SPATA22: variants seen among roughly 807,000 people sequenced by gnomAD.
SPATA22 encodes spermatogenesis associated 22, also known as spermatogenesis-associated protein 22.
A neutral mutation model predicts 47.8 loss-of-function variants in SPATA22; 29 were observed. The ratio of observed to expected loss-of-function variants is 0.61; its 90% CI spans 0.45 to 0.83. The LOEUF (loss-of-function observed/expected upper bound fraction) is 0.83, where lower values mean the gene tolerates loss of function less well. SPATA22 is among the 40% of genes least tolerant of loss of function. SPATA22 has a pLI of 0.00. For synonymous variants in SPATA22, 133 were observed against 140.9 expected (o/e 0.94, Z 0.40); for missense variants, 410 against 421.7 (o/e 0.97, Z 0.24).
At chr17:3,481,543 A>G (rs2073626512) in intron 1 of SPATA22, 4 of 1,470,782 alleles carry the variant, frequency 2.7e-6, no homozygotes, top group Admixed American at 1.8e-5. Flanking sequence ...TGTTCTTATT[A>G]TATGTTTATA....
At chr17:3,493,247 T>C (rs17175228) in intron 1 of SPATA22, among the ~76,000 whole-genome samples, 35,183 of 152,034 alleles carry the variant, frequency 0.23, 4,255 homozygotes, top group Middle Eastern at 0.33. Flanking sequence ...TCAGGAGCTG[T>C]CCAAGTGTCT....
intron 1 of SPATA22, chr17:3,500,278 A>G (rs2073974195): frequency 6.6e-6 from 1 of 152,284 alleles, no homozygotes; most frequent in Non-Finnish European, 1.5e-5. Context: ...TGTAGCTAAA[A>G]TCATTGACAA....
chr17:3,472,046 C>G (rs1220614956), upstream of SPATA22: 1 of 192,924 alleles, frequency 5.2e-6, no homozygotes, highest in East Asian at 1.9e-4. Flanking sequence ...AGATCTCCTG[C>G]CCAACCGGCC....
intron 1 of SPATA22, among the ~76,000 whole-genome samples, chr17:3,470,520 C>T (rs1448696485): frequency 1.3e-5 from 2 of 151,884 alleles, no homozygotes; most frequent in South Asian, 2.1e-4. Context: ...GAGGCCGAGA[C>T]GGGCGGATCA....
At chr17:3,496,047 C>T (rs187542588) in intron 1 of SPATA22, among the ~76,000 whole-genome samples, 7 of 152,166 alleles carry the variant, frequency 4.6e-5, no homozygotes, top group East Asian at 1.9e-4. Context: ...CCCAGGCAGA[C>T]GGAGAAGTGA....
intron 1 of SPATA22, among the ~76,000 whole-genome samples, chr17:3,477,425 C>T (rs949030236): frequency 6.6e-6 from 1 of 152,116 alleles, no homozygotes; most frequent in African/African-American, 2.4e-5. Context: ...TATAATATGA[C>T]TCCACATATT....
At chr17:3,471,383 A>G (rs745795548) in intron 1 of SPATA22, 1 of 975,096 alleles carries the variant, frequency 1.0e-6, no homozygotes, top group South Asian at 4.7e-5. Flanking sequence ...TAAGTGTAAC[A>G]TTCCACCCGC....
At position 3,442,133 on chromosome 17, in the gene SPATA22, CAT is replaced by C. The variant is rs773883991; in HGVS notation, c.900+1039_900+1040del. Among the ~76,000 whole-genome samples, 7 of 151,954 alleles carry C rather than the reference CAT, an allele frequency of 4.6e-5. No individual in the cohort carries two copies. In the South Asian group the frequency reaches 6.2e-4, roughly 14 times the overall value. On this transcript the variant is annotated intron_variant, in intron 8 of 8. Transcript: ENST00000572969. ...GTTATGATTTTTATACTTTTCTGTA[CAT>C]GTTATACTGCAATAACAAAGTTTTT...
At chr17:3,478,312 A>G (rs1353280746) in intron 1 of SPATA22, among the ~76,000 whole-genome samples, 2 of 152,230 alleles carry the variant, frequency 1.3e-5, no homozygotes, top group African/African-American at 4.8e-5. Context: ...ACACAGATCA[A>G]AACATGGACA....
chr17:3,512,830 T>C (rs1415082075), intron 1 of SPATA22: 1 of 152,124 alleles, frequency 6.6e-6, no homozygotes, highest in Non-Finnish European at 1.5e-5. Context: ...AAAAAAATAC[T>C]TCGTACCAAA....
At position 3,480,103 on chromosome 17, in the gene SPATA22, T is replaced by C. The variant is rs563620949; in HGVS notation, c.-73-10705A>G. ...GTGGTTCCTGGACCTCAATTAAGAATCTCTAATTAGGCCAGGTGTGGCTGC... is the reference window on the plus strand; with the variant it reads ...GTGGTTCCTGGACCTCAATTAAGAACCTCTAATTAGGCCAGGTGTGGCTGC... On this transcript the variant is annotated intron_variant, in intron 1 of 8. Coordinates refer to the SPATA22 transcript ENST00000541913. 1.6e-4 allele frequency among the ~76,000 whole-genome samples: 24 copies of C among 152,222 alleles called. No individual in the cohort carries two copies. The South Asian group carries it at 5.0e-3, about 32-fold the overall frequency.
At chr17:3,463,128 C>A (rs2073167010) in intron 3 of SPATA22, among the ~76,000 whole-genome samples, 1 of 152,112 alleles carries the variant, frequency 6.6e-6, no homozygotes. Context: ...CATATACATG[C>A]ATGATATATG....
chr17:3,510,672 G>A (rs1567625209), intron 1 of SPATA22: 1 of 152,192 alleles, frequency 6.6e-6, no homozygotes, highest in Non-Finnish European at 1.5e-5. Context: ...CACATTCAAG[G>A]GAGAATGGGG....
At chr17:3,466,302 G>A (rs7211452) in intron 3 of SPATA22, among the ~76,000 whole-genome samples, 35,363 of 151,478 alleles carry the variant, frequency 0.23, 4,408 homozygotes, top group East Asian at 0.42. Flanking sequence ...CATGTACCAC[G>A]TATACTTCAG....
chr17:3,502,476 G>A (rs770615813), intron 1 of SPATA22: 2 of 152,150 alleles, frequency 1.3e-5, no homozygotes, highest in Admixed American at 6.5e-5. Context: ...TTATATTTGG[G>A]TTAATGGTAA....
chr17:3,441,599 T>C (rs1329397365), intron 8 of SPATA22: 1 of 152,096 alleles, frequency 6.6e-6, no homozygotes, highest in East Asian at 1.9e-4. Flanking sequence ...TCTTTGGCAA[T>C]ATCTACTGTA....
rs1253424510 is a variant in SPATA22 at position 3,490,315 on chromosome 17, T to C, written c.-73-20917A>G. Among the ~76,000 whole-genome samples the C allele has an allele frequency of 6.6e-6, 1 of 152,234 alleles. No individual in the cohort carries two copies. The highest frequency in any genetic ancestry group is 2.4e-5 in the African/African-American group (1 of 41,452). On this transcript the variant is annotated intron_variant, in intron 1 of 8. Coordinates refer to the SPATA22 transcript ENST00000541913. This position sits in a 1 kb window ranked among gnomAD's most constrained non-coding sequence, Gnocchi z 4.6. ...ATATGCAGCTCTATGCACTATCTGC[T>C]CATTTATTTGGTAAATCTAAAACTG...
At position 3,448,851 on chromosome 17, in the gene SPATA22, T is replaced by C. The variant is rs372600704; in HGVS notation, c.628A>G (p.Lys210Glu). The C allele has an allele frequency of 1.2e-6, 2 of 1,612,440 alleles. No homozygotes were observed. Among genetic ancestry groups the C allele is most frequent in the South Asian group, 1.1e-5 (1 of 90,586 alleles). Reference sequence around the variant, plus strand: ...GGAATATCATCCAACATTTGTTTCTTATATTGATTTTGTTGAAAATTGGGC... The same window carrying C: ...GGAATATCATCCAACATTTGTTTCTCATATTGATTTTGTTGAAAATTGGGC... The part of the protein sequence containing the change: ...LKPNFQQNQY[K>E]KQMLDDIPED... The change falls in exon 6 of 9, where the codon AAG becomes GAG. Residue 210 changes from lysine (K) to glutamate (E), a missense_variant. Coordinates refer to ENST00000572969, the MANE Select transcript of SPATA22 (RefSeq NM_001170698.2).
chr17:3,446,609 A>G lies in SPATA22; in HGVS notation c.673-8T>C. 2 of 1,513,492 alleles carry G rather than the reference A, an allele frequency of 1.3e-6. No individual in the cohort carries two copies. Among genetic ancestry groups the G allele is most frequent in the Admixed American group, 4.5e-5 (2 of 44,808 alleles). The allele number at this position is 1,513,492 out of a possible 1,614,324, so 93.8% of individuals were successfully genotyped here. ...CTGATACAATGAGGTTTCCTTTTGAAAAAATAAGAAACATAGTATTAGAAA... is the reference window on the plus strand; with the variant it reads ...CTGATACAATGAGGTTTCCTTTTGAGAAAATAAGAAACATAGTATTAGAAA... On this transcript the variant is annotated splice_polypyrimidine_tract_variant and splice_region_variant and intron_variant, in intron 6 of 8. Coordinates refer to ENST00000572969, the MANE Select transcript of SPATA22 (RefSeq NM_001170698.2).
Sources: gnomAD v4.1 joint callset for allele counts (sites outside exome capture counted in the v4.1 genomes callset) on GRCh38, gnomAD v4.1.1 for gene constraint, Gnocchi (gnomAD v3.1) non-coding constraint, MANE v1.5 for transcripts, NCBI Gene and HGNC (gene_info 2026-07-23, HGNC 2026-07-21) for gene names.